AMBRA1: variants seen among roughly 807,000 people sequenced by gnomAD.
AMBRA1 encodes activating molecule in BECN1-regulated autophagy protein 1.
Under a neutral mutation model 125.4 loss-of-function variants are expected in AMBRA1, and 47 were observed. The observed-to-expected ratio is 0.37, with a 90% CI of 0.30 to 0.48. The LOEUF (loss-of-function observed/expected upper bound fraction) is 0.48. Ranked by LOEUF, AMBRA1 falls within the 20% of genes least tolerant of loss-of-function variation. The pLI, the probability that AMBRA1 is intolerant of heterozygous loss-of-function variation, is 0.99. For synonymous variants in AMBRA1, 626 were observed against 655.5 expected (o/e 0.95, Z 0.69); for missense variants, 1,331 against 1,693.4 (o/e 0.79, Z 3.76).
At chr11:46,426,307 T>C (rs982061250) in intron 14 of AMBRA1, among the ~76,000 whole-genome samples, 1 of 152,100 alleles carries the variant, frequency 6.6e-6, no homozygotes, top group Non-Finnish European at 1.5e-5. Context: ...CGCAGCTAAC[T>C]AAGCACAGTG....
chr11:46,459,248 A>C (rs1391672091), intron 11 of AMBRA1, among the ~76,000 whole-genome samples: 1 of 152,216 alleles, frequency 6.6e-6, no homozygotes, highest in Non-Finnish European at 1.5e-5. Context: ...TTTTTATTAC[A>C]CATAGAAAAA....
chr11:46,420,567 T>C (rs989250252), intron 14 of AMBRA1, among the ~76,000 whole-genome samples: 18 of 152,374 alleles, frequency 1.2e-4, no homozygotes, highest in African/African-American at 3.8e-4. Context: ...GTCCAACCTA[T>C]AGACTTTATG....
intron 11 of AMBRA1, among the ~76,000 whole-genome samples, chr11:46,465,055 T>TA (rs1219556600): frequency 6.6e-6 from 1 of 150,700 alleles, no homozygotes; most frequent in African/African-American, 2.4e-5. Context: ...AAAATAAAAA[T>TA]AAAAAATAAA....
intron 7 of AMBRA1, among the ~76,000 whole-genome samples, chr11:46,527,682 C>A (rs1159825342): frequency 6.6e-6 from 1 of 151,590 alleles, no homozygotes; most frequent in African/African-American, 2.4e-5. Context: ...TACAAATGGT[C>A]AACAAGCATA....
At chr11:46,515,977 T>A (rs1033238146) in intron 7 of AMBRA1, among the ~76,000 whole-genome samples, 6 of 152,140 alleles carry the variant, frequency 3.9e-5, no homozygotes, top group African/African-American at 1.4e-4. Flanking sequence ...CTGGCCTTAA[T>A]GACTCCATTT....
chr11:46,435,206 G>A (rs904352677), intron 12 of AMBRA1, among the ~76,000 whole-genome samples, 169 bp from the exon 13 acceptor site: 1 of 152,106 alleles, frequency 6.6e-6, no homozygotes, highest in African/African-American at 2.4e-5. Context: ...AAACACAGGA[G>A]GCAAGAAAAG....
intron 1 of AMBRA1, among the ~76,000 whole-genome samples, chr11:46,579,576 C>A (rs547369528): frequency 6.6e-6 from 1 of 152,302 alleles, no homozygotes; most frequent in South Asian, 2.1e-4. Context: ...ATACCCTCAC[C>A]CTTTTCTCTC....
At chr11:46,477,682 G>T (rs1949874837) in intron 11 of AMBRA1, among the ~76,000 whole-genome samples, 1 of 151,550 alleles carries the variant, frequency 6.6e-6, no homozygotes. Context: ...CATTTTGAAT[G>T]CACATGCCTA....
At chr11:46,527,846 G>A (rs2094304971) in intron 7 of AMBRA1, among the ~76,000 whole-genome samples, 1 of 151,970 alleles carries the variant, frequency 6.6e-6, no homozygotes, top group Non-Finnish European at 1.5e-5. Context: ...GAACCCTCAT[G>A]CACTGTTGGT....
chr11:46,548,406 A>C lies in AMBRA1; in HGVS notation c.-26T>G. On this transcript the variant is annotated 5_prime_UTR_variant, in exon 2 of 18. Coordinates refer to ENST00000683756, the MANE Select transcript of AMBRA1 (RefSeq NM_001387011.1). ...GGCGCTCAGTAGCCACTGTCACACC[A>C]GGCCCAGGAAATGAAGGAGCAAGTA... The C allele has an allele frequency of 6.2e-7, 1 of 1,612,250 alleles. No homozygotes were observed. Among genetic ancestry groups the C allele is most frequent in the South Asian group, 1.1e-5 (1 of 91,056 alleles).
chr11:46,463,995 G>A (rs1949215605), intron 11 of AMBRA1, among the ~76,000 whole-genome samples: 1 of 152,110 alleles, frequency 6.6e-6, no homozygotes, highest in Non-Finnish European at 1.5e-5. Context: ...GGAGAGATAG[G>A]GAGCTTTTCA....
intron 11 of AMBRA1, among the ~76,000 whole-genome samples, chr11:46,454,530 T>G (rs1469490021): frequency 1.4e-5 from 2 of 139,076 alleles, no homozygotes; most frequent in Non-Finnish European, 3.0e-5. Flanking sequence ...GGTCAGGAGA[T>G]CGAGACCATC....
chr11:46,548,161 C>G, intron 2 of AMBRA1, 85 bp downstream of exon 2: 2 of 1,567,944 alleles, frequency 1.3e-6, no homozygotes, highest in Non-Finnish European at 1.7e-6. Context: ...AAATATATCC[C>G]AACTCTCTGC....
chr11:46,547,970 T>C, intron 2 of AMBRA1, 95 bp from the exon 3 acceptor site: 1 of 1,418,810 alleles, frequency 7.0e-7, no homozygotes, highest in Non-Finnish European at 9.7e-7. Context: ...TAGATTAGCA[T>C]TCACAGTGTA....
chr11:46,445,669 T>C (rs936216675), intron 11 of AMBRA1, among the ~76,000 whole-genome samples: 21 of 152,190 alleles, frequency 1.4e-4, no homozygotes, highest in African/African-American at 4.8e-4. Context: ...CAGGCTCAGT[T>C]CCACTGAGTT....
At chr11:46,577,673 A>G (rs1025623570) in intron 1 of AMBRA1, among the ~76,000 whole-genome samples, 4 of 152,180 alleles carry the variant, frequency 2.6e-5, no homozygotes, top group Non-Finnish European at 1.5e-5. Flanking sequence ...AAATTCAGCC[A>G]GGCGCGGTGG....
intron 1 of AMBRA1, among the ~76,000 whole-genome samples, chr11:46,578,465 C>T (rs1315896993): frequency 2.7e-5 from 4 of 149,674 alleles, no homozygotes; most frequent in South Asian, 2.1e-4. Flanking sequence ...CTAGCCTGGG[C>T]GACAGAGCAA....
intron 7 of AMBRA1, among the ~76,000 whole-genome samples, chr11:46,538,568 A>ACTGCAACCT (rs1952591666): frequency 6.6e-6 from 1 of 152,090 alleles, no homozygotes; most frequent in South Asian, 2.1e-4. Context: ...ATCTCGGCTC[A>ACTGCAACCT]CTGCAACCTC....
At chr11:46,591,941 ATTTTTTTTTTT>A (rs1167665024) in intron 1 of AMBRA1, among the ~76,000 whole-genome samples, 2 of 115,134 alleles carry the variant, frequency 1.7e-5, no homozygotes, top group African/African-American at 7.4e-5. Flanking sequence ...CTCAAGACTG[ATTTTTTTTTTT>A]TTTTTTTTTT....
Sources: gnomAD v4.1 joint callset for allele counts (sites outside exome capture counted in the v4.1 genomes callset) on GRCh38, gnomAD v4.1.1 for gene constraint, MANE v1.5 for transcripts, NCBI Gene and HGNC (gene_info 2026-07-23, HGNC 2026-07-21) for gene names.